Variants in NUP107 observed in about 807,000 individuals in gnomAD.
The protein encoded by NUP107 is nucleoporin 107, also known as nuclear pore complex protein Nup107.
A neutral mutation model predicts 141.0 loss-of-function variants in NUP107; 101 were observed. The observed-to-expected ratio is 0.72, with a 90% CI of 0.61 to 0.84. The LOEUF is 0.84. NUP107 is among the 40% of genes least tolerant of loss of function. NUP107 has a pLI of 0.00. For missense variants in NUP107, 941 were observed against 1,102.7 expected, an observed-to-expected ratio of 0.85 and a Z score of 2.08; for synonymous variants, 319 against 363.9, an observed-to-expected ratio of 0.88 and a Z score of 1.41.
At chr12:68,713,914 C>T (rs1876990943) in intron 11 of NUP107, 106 bp downstream of exon 11, 6 of 772,618 alleles carry the variant, frequency 7.8e-6, no homozygotes, top group Non-Finnish European at 1.1e-5. Flanking sequence ...TAAAGGTTTG[C>T]ACACACTAAC....
At chr12:68,730,802 TA>T (rs1354007691) in intron 20 of NUP107, among the ~76,000 whole-genome samples, 5 of 150,476 alleles carry the variant, frequency 3.3e-5, no homozygotes, top group Non-Finnish European at 7.4e-5. Context: ...CCATCTCTAC[TA>T]AAAAAAAATA....
intron 1 of NUP107, chr12:68,687,287 T>G (rs2135992322): frequency 4.4e-6 from 3 of 688,944 alleles, no homozygotes; most frequent in Non-Finnish European, 6.8e-6. Context: ...AGTCCCTTAC[T>G]TTCCCACTAC....
intron 5 of NUP107, among the ~76,000 whole-genome samples, chr12:68,693,080 TA>T (rs201886172): frequency 4.8e-4 from 72 of 149,230 alleles, no homozygotes; most frequent in Admixed American, 4.7e-4. Context: ...TTTATTTATT[TA>T]TTTATTTTTT....
At position 68,733,591 on chromosome 12, in the gene NUP107, T is replaced by A. The variant is rs201656152; in HGVS notation, c.2241T>A (p.His747Gln). Reference sequence around the variant, plus strand: ...AAGATGATAATGCTATCCGAGAACATTTGTGCATCAGAGCTTATTTGGTGA... The same window carrying A: ...AAGATGATAATGCTATCCGAGAACAATTGTGCATCAGAGCTTATTTGGTGA... ...PAEDDNAIRE[H>Q]LCIRAYLEAH... The change falls in exon 24 of 28, where the codon CAT (histidine) becomes CAA (glutamine). Residue 747 changes from histidine to glutamine, a missense_variant. Physicochemically the swap from His to Gln is conservative, Grantham distance 24. Coordinates refer to ENST00000229179, the MANE Select transcript of NUP107 (RefSeq NM_020401.4). 1 of 1,611,982 alleles carries A rather than the reference T, an allele frequency of 6.2e-7. No homozygotes were observed. The highest frequency in any genetic ancestry group is 8.5e-7 in the Non-Finnish European group (1 of 1,179,024).
intron 26 of NUP107, among the ~76,000 whole-genome samples, chr12:68,740,375 AAAG>A (rs1215492577): frequency 6.6e-6 from 1 of 152,236 alleles, no homozygotes; most frequent in Non-Finnish European, 1.5e-5. Flanking sequence ...CTATTTGAGA[AAAG>A]AAATAAAGGT....
chr12:68,703,814 T>C (rs1356112472), intron 8 of NUP107, among the ~76,000 whole-genome samples: 1 of 152,254 alleles, frequency 6.6e-6, no homozygotes, highest in Non-Finnish European at 1.5e-5. Flanking sequence ...TTTTACCATA[T>C]TTTTTCATAG....
At chr12:68,720,015 T>C (rs1201371600) in intron 14 of NUP107, among the ~76,000 whole-genome samples, 1 of 152,126 alleles carries the variant, frequency 6.6e-6, no homozygotes, top group Non-Finnish European at 1.5e-5. Flanking sequence ...GATACATAGA[T>C]TGGGAAACTC....
intron 6 of NUP107, among the ~76,000 whole-genome samples, chr12:68,699,287 C>T (rs560866453): frequency 7.9e-5 from 12 of 152,116 alleles, no homozygotes; most frequent in Admixed American, 3.3e-4. Flanking sequence ...GTGGGAGAAT[C>T]GCTTGAACCC....
chr12:68,742,447 T>G lies in NUP107; in HGVS notation c.2763T>G (p.Tyr921Ter), dbSNP rs776220085. ...LLDQGLDPLG[Y>*]EIQL ...ACCAGGGACTTGACCCATTAGGGTA[T>G]GAAATTCAGTTATAGTTTAATCTTT... The change falls in exon 28 of 28, where the codon TAT becomes TAG. Residue 921 changes from tyrosine (Y) to a stop codon, truncating the protein, a stop_gained. Coordinates refer to ENST00000229179, the MANE Select transcript of NUP107 (RefSeq NM_020401.4). LOFTEE classifies it high-confidence loss of function. 1.9e-6 allele frequency: 3 copies of G among 1,565,614 alleles called. No homozygotes were observed. In the Admixed American group the frequency reaches 5.3e-5, roughly 28 times the overall value.
chr12:68,708,525 C>T (rs1876699143), intron 8 of NUP107, among the ~76,000 whole-genome samples: 1 of 152,028 alleles, frequency 6.6e-6, no homozygotes, highest in Non-Finnish European at 1.5e-5. Context: ...GCTTTTATTA[C>T]TTATCAACTT....
intron 26 of NUP107, among the ~76,000 whole-genome samples, chr12:68,736,414 A>C (rs971445958): frequency 2.0e-5 from 3 of 151,744 alleles, no homozygotes; most frequent in African/African-American, 7.3e-5. Flanking sequence ...TCTCCACTTT[A>C]TTTTTTCTTT....
In NUP107 at chr12:68,689,024, G is replaced by A. The variant is rs1468397791; in HGVS notation, c.71G>A (p.Arg24Gln). 6 of 1,613,368 alleles carry A rather than the reference G, an allele frequency of 3.7e-6. No homozygotes were observed. In the South Asian group the frequency reaches 5.5e-5, roughly 15 times the overall value. Residue 24 changes from arginine (R) to glutamine (Q), a missense_variant, in exon 2 of 28, where the codon CGG becomes CAG. By Grantham distance (43) the Arg-to-Gln change is conservative (BLOSUM62 1). Coordinates refer to ENST00000229179, the MANE Select transcript of NUP107 (RefSeq NM_020401.4). ...GAGGCAGAGGTGACACGGACTGCAC[G>A]GAAACAGAGTGCTCAGAAAAGAGTT... ...IREAEVTRTA[R>Q]KQSAQKRVLL...
At chr12:68,709,732 A>G (rs1181530032) in intron 9 of NUP107, among the ~76,000 whole-genome samples, 4 of 151,948 alleles carry the variant, frequency 2.6e-5, no homozygotes, top group Non-Finnish European at 4.4e-5. Context: ...CTAAAAATAA[A>G]AAAAAAATTA....
rs556892670 is a variant in NUP107, at chr12:68,706,707, G to A, written c.730-2531G>A. On this transcript the variant is annotated intron_variant, in intron 8 of 27. Coordinates refer to ENST00000229179, the MANE Select transcript of NUP107 (RefSeq NM_020401.4). ...CAAGCTGTCCAAGCTGGAGGTGGGCGGGCCAAGCAGGACATGGCACGGCAG... is the reference window on the plus strand; with the variant it reads ...CAAGCTGTCCAAGCTGGAGGTGGGCAGGCCAAGCAGGACATGGCACGGCAG... The A allele has an allele frequency of 1.2e-4, 90 of 750,128 alleles. No individual in the cohort carries two copies. In the East Asian group the frequency reaches 1.6e-3, roughly 14 times the overall value. The allele number at this position is 750,128 out of a possible 1,614,324, so 46.5% of individuals were successfully genotyped here.
chr12:68,725,839 T>TG, intron 18 of NUP107, 43 bp downstream of exon 18: 8 of 897,640 alleles, frequency 8.9e-6, no homozygotes, highest in Admixed American at 8.0e-5. Flanking sequence ...TTGTGTGTGT[T>TG]TTTTTTTTTT....
intron 25 of NUP107, 150 bp from the exon 26 acceptor site, chr12:68,735,081 C>A: frequency 1.4e-6 from 1 of 690,548 alleles, no homozygotes; most frequent in Non-Finnish European, 2.5e-6. Flanking sequence ...TACTTAACTG[C>A]AGTCTGTTGA....
At chr12:68,699,935 C>T (rs1876246334) in intron 6 of NUP107, among the ~76,000 whole-genome samples, 1 of 152,144 alleles carries the variant, frequency 6.6e-6, no homozygotes, top group African/African-American at 2.4e-5. Context: ...CAGAGTCTCA[C>T]TCTGTCGCCC....
chr12:68,731,750 A>G, intron 22 of NUP107, 31 bp downstream of exon 22: 1 of 1,102,942 alleles, frequency 9.1e-7, no homozygotes, highest in Non-Finnish European at 1.3e-6. Flanking sequence ...AGAGGTTTCT[A>G]TAACTTCTAA....
At position 68,689,538 on chromosome 12, in the gene NUP107, G is replaced by A. The variant is rs1296486088; in HGVS notation, c.106G>A (p.Ala36Thr). Residue 36 changes from alanine to threonine, a missense_variant, in exon 3 of 28, where the codon GCA (alanine) becomes ACA (threonine). By Grantham distance (58) the Ala-to-Thr change is moderately conservative. Transcript: ENST00000229179. ...QSAQKRVLLQ[A>T]SQDENFGNTT... ...TTTCTTAACTCGTTGTACAGTTCAG[G>A]CATCTCAAGATGAAAATTTTGGTAA... 2.5e-6 allele frequency: 4 copies of A among 1,602,314 alleles called. No homozygotes were observed. Among genetic ancestry groups the A allele is most frequent in the Admixed American group, 1.7e-5 (1 of 58,972 alleles).
Sources: allele counts gnomAD v4.1 joint callset (sites outside exome capture counted in the v4.1 genomes callset), GRCh38; gene constraint gnomAD v4.1.1; transcripts MANE v1.5; gene names NCBI Gene and HGNC (gene_info 2026-07-23, HGNC 2026-07-21).